KYAT1: variants seen among roughly 807,000 people sequenced by gnomAD.
KYAT1 encodes the protein kynurenine--oxoglutarate transaminase 1.
A neutral mutation model predicts 52.4 loss-of-function variants in KYAT1; 47 were observed. That is an observed-to-expected ratio of 0.90 (90% CI 0.71 to 1.14). KYAT1 has a LOEUF of 1.14. Ranked by LOEUF, KYAT1 falls within the 50% of genes most tolerant of loss-of-function variation. The probability of loss-of-function intolerance (pLI) is 0.00; values close to 1 mark genes in which losing one functional copy is unlikely to be tolerated. For missense variants in KYAT1, 480 were observed against 557.9 expected (o/e 0.86, Z 1.41); for synonymous variants, 212 against 209.6 (o/e 1.01, Z -0.10).
chr9:128,876,304 C>G (rs1365733624), intron 1 of KYAT1, among the ~76,000 whole-genome samples: 3 of 150,820 alleles, frequency 2.0e-5, no homozygotes, highest in Non-Finnish European at 1.5e-5. Context: ...CCAGGCTGGT[C>G]TTGAACTCCT....
chr9:128,840,591 GAAAAGA>G, intron 3 of KYAT1: 1 of 421,860 alleles, frequency 2.4e-6, no homozygotes. Flanking sequence ...AAGAAAGAAA[GAAAAGA>G]AAAAGATACA....
At chr9:128,848,443 A>C (rs1833441707) in intron 1 of KYAT1, among the ~76,000 whole-genome samples, 1 of 152,244 alleles carries the variant, frequency 6.6e-6, no homozygotes, top group Non-Finnish European at 1.5e-5. Flanking sequence ...TACTGCTTAA[A>C]GATAGATATA....
chr9:128,837,921 T>TC (rs1831419570), intron 5 of KYAT1, 108 bp from the exon 6 acceptor site: 1 of 1,474,108 alleles, frequency 6.8e-7, no homozygotes, highest in Admixed American at 1.7e-5. Flanking sequence ...CACACACACC[T>TC]CCCCTCTGCC....
intron 1 of KYAT1, among the ~76,000 whole-genome samples, chr9:128,846,410 T>C (rs1833099354): frequency 6.6e-6 from 1 of 151,502 alleles, no homozygotes; most frequent in Non-Finnish European, 1.5e-5. Context: ...AGCCTGAGCA[T>C]TAGAGTGAAA....
chr9:128,863,793 C>T (rs938053518), intron 1 of KYAT1, among the ~76,000 whole-genome samples: 1 of 152,098 alleles, frequency 6.6e-6, no homozygotes, highest in Non-Finnish European at 1.5e-5. Context: ...GGTTGCTGGC[C>T]CAGGTCACAG....
At chr9:128,881,538 G>A (rs770894362) in intron 1 of KYAT1, among the ~76,000 whole-genome samples, 2 of 152,056 alleles carry the variant, frequency 1.3e-5, no homozygotes, top group African/African-American at 2.4e-5. Flanking sequence ...TATCAGCCAG[G>A]GAATTTGCGA....
chr9:128,847,274 T>C (rs572991433), intron 1 of KYAT1, among the ~76,000 whole-genome samples: 22 of 152,200 alleles, frequency 1.4e-4, no homozygotes, highest in Middle Eastern at 3.4e-3. Context: ...AGTTCTAGAC[T>C]AGAGAAGCAG....
intron 11 of KYAT1, among the ~76,000 whole-genome samples, chr9:128,834,980 C>CA (rs1211169340): frequency 1.3e-5 from 2 of 150,606 alleles, no homozygotes; most frequent in Admixed American, 6.6e-5. Context: ...ACCAAAAATA[C>CA]AAAAAAAATT....
Position 128,835,652 on chromosome 9 carries a change from T to C in KYAT1, c.871A>G (p.Ser291Gly). Residue 291 changes from serine (S) to glycine (G), a missense_variant, in exon 10 of 13, where the codon AGC becomes GGC. Physicochemically the swap from Ser to Gly is moderately conservative, Grantham distance 56. Coordinates refer to ENST00000302586, the MANE Select transcript of KYAT1 (RefSeq NM_004059.5). ...AAGAGCAGCTGCTCCCGTTCAAAGC[T>C]CTCGGCTACTGCAGCCTGGGCAGGG... ...PTQSQAAVAE[S>G]FEREQLLFRQ... The C allele has an allele frequency of 6.2e-7, 1 of 1,610,302 alleles. No individual in the cohort carries two copies. Among genetic ancestry groups the C allele is most frequent in the Admixed American group, 1.7e-5 (1 of 59,984 alleles).
rs41275926 is a variant in KYAT1 at position 128,838,043 on chromosome 9, A to G, written c.438+8T>C. The G allele has an allele frequency of 7.5e-3, 12,155 of 1,613,690 alleles. 59 individuals carry two copies. The highest frequency in any genetic ancestry group is 9.4e-3 in the Non-Finnish European group (11,092 of 1,179,660). On this transcript the variant is annotated splice_region_variant and intron_variant, in intron 5 of 12. Coordinates refer to ENST00000302586, the MANE Select transcript of KYAT1 (RefSeq NM_004059.5). ...TCTGCCCATCCATCCTCTACCTAGC[A>G]TCCTTACCGGCTTCAGGGACACAAA...
At chr9:128,837,465 TGGTGGC>T (rs1831324160) in intron 6 of KYAT1, among the ~76,000 whole-genome samples, 1 of 152,166 alleles carries the variant, frequency 6.6e-6, no homozygotes, top group Non-Finnish European at 1.5e-5. Flanking sequence ...TGGGAAGTGA[TGGTGGC>T]TCCCAGCCCA....
Position 128,838,081 on chromosome 9 carries a change from C to G in KYAT1, c.408G>C (p.Gly136=). Residue 136 remains glycine (G), a synonymous_variant, in exon 5 of 13, where the codon GGG becomes GGC. Coordinates refer to ENST00000302586, the MANE Select transcript of KYAT1 (RefSeq NM_004059.5). The part of the protein sequence containing the change: ...DCYEPMTMMA[G]GRPVFVSLKP... ...TCAGGGACACAAACACAGGACGACC[C>G]CCTGCCATCATTGTCATGGGCTCGT... The G allele has an allele frequency of 1.9e-6, 3 of 1,614,120 alleles. No homozygotes were observed. The highest frequency in any genetic ancestry group is 2.7e-5 in the African/African-American group (2 of 75,022).
chr9:128,866,860 C>T (rs1019512928), intron 1 of KYAT1, among the ~76,000 whole-genome samples: 2 of 151,056 alleles, frequency 1.3e-5, no homozygotes, highest in African/African-American at 4.9e-5. Context: ...GAACTGAGAT[C>T]GTGCCACTGC....
chr9:128,866,020 T>G (rs144415696), intron 1 of KYAT1, among the ~76,000 whole-genome samples: 64 of 152,322 alleles, frequency 4.2e-4, no homozygotes, highest in African/African-American at 1.5e-3. Flanking sequence ...CATCTTTTTA[T>G]TCTCAACATC....
chr9:128,842,597 C>T, intron 3 of KYAT1, 57 bp downstream of exon 3: 1 of 1,567,136 alleles, frequency 6.4e-7, no homozygotes, highest in Non-Finnish European at 8.7e-7. Flanking sequence ...GCTTGAAGTC[C>T]AGAAAGCCCT....
intron 1 of KYAT1, chr9:128,846,774 G>C (rs772782189): frequency 1.3e-6 from 2 of 1,535,606 alleles, no homozygotes; most frequent in Admixed American, 2.0e-5. Context: ...TGGTCCCTGA[G>C]GAACCTTCCG....
chr9:128,852,092 G>A (rs1481394059), intron 1 of KYAT1, among the ~76,000 whole-genome samples: 1 of 152,076 alleles, frequency 6.6e-6, no homozygotes, highest in Non-Finnish European at 1.5e-5. Flanking sequence ...GAAAAGTTGG[G>A]GGCGCTACAT....
intron 1 of KYAT1, among the ~76,000 whole-genome samples, chr9:128,863,279 C>T (rs1835706861): frequency 6.6e-6 from 1 of 151,980 alleles, no homozygotes; most frequent in Admixed American, 6.6e-5. Context: ...GGCAGTGTGA[C>T]ATGAGGCAAG....
chr9:128,840,572 A>C, intron 3 of KYAT1: 1 of 423,746 alleles, frequency 2.4e-6, no homozygotes, highest in South Asian at 1.7e-5. Context: ...TTAAAAGAAA[A>C]AAAAAAGAAA....
Sources: gnomAD v4.1 joint callset for allele counts (sites outside exome capture counted in the v4.1 genomes callset) on GRCh38, gnomAD v4.1.1 for gene constraint, MANE v1.5 for transcripts, NCBI Gene and HGNC (gene_info 2026-07-23, HGNC 2026-07-21) for gene names.